CDH18: variants seen among roughly 807,000 people sequenced by gnomAD.
The protein encoded by CDH18 is cadherin 18.
In CDH18, 31 loss-of-function variants were observed where a neutral mutation model predicts 67.9. The ratio of observed to expected loss-of-function variants is 0.46; its 90% CI spans 0.34 to 0.62. CDH18 has a LOEUF of 0.62. Ranked by LOEUF, CDH18 falls within the 20% of genes least tolerant of loss-of-function variation. CDH18 has a pLI of 0.01. For synonymous variants in CDH18, 362 were observed against 347.2 expected (o/e 1.04, Z -0.48); for missense variants, 890 against 975.5 (o/e 0.91, Z 1.17).
At chr5:20,229,171 T>C (rs1741871139) in intron 2 of CDH18, among the ~76,000 whole-genome samples, 1 of 152,128 alleles carries the variant, frequency 6.6e-6, no homozygotes, top group South Asian at 2.1e-4. Context: ...CTTTATTTTA[T>C]GTATAAACAT....
chr5:20,477,045 T>C (rs1752488932), intron 1 of CDH18, among the ~76,000 whole-genome samples: 1 of 152,172 alleles, frequency 6.6e-6, no homozygotes, highest in East Asian at 1.9e-4. Flanking sequence ...TATAGGTATT[T>C]TTCTCTTACA....
intron 6 of CDH18, among the ~76,000 whole-genome samples, chr5:19,592,740 T>C (rs1439975731): frequency 2.6e-5 from 4 of 152,184 alleles, no homozygotes; most frequent in Non-Finnish European, 5.9e-5. Flanking sequence ...TTGCTATTCA[T>C]AGACACAGTA....
At chr5:19,942,605 A>C (rs2150235950) in intron 2 of CDH18, among the ~76,000 whole-genome samples, 1 of 152,292 alleles carries the variant, frequency 6.6e-6, no homozygotes, top group Non-Finnish European at 1.5e-5. Flanking sequence ...GAAACAAGTA[A>C]GCCCACAGGT....
At position 20,308,079 on chromosome 5, in the gene CDH18, C is replaced by CTTTTTTTTTTTTTTT. The variant is rs759117114; in HGVS notation, c.-579-52589_-579-52575dup. Among the ~76,000 whole-genome samples the CTTTTTTTTTTTTTTT allele has an allele frequency of 1.2e-4, 10 of 85,438 alleles. 1 individual carries two copies. The highest frequency in any genetic ancestry group is 4.9e-4 in the African/African-American group (9 of 18,402). 56.1% of individuals were successfully genotyped at this position (85,438 alleles called of 152,430 possible). ...TTATTTGCCTCTTTGAATACTACTG[C>CTTTTTTTTTTTTTTT]TTTTTTTTTTTTTTTTTTTTTTTTT... On this transcript the variant is annotated intron_variant, in intron 1 of 14. Coordinates refer to the CDH18 transcript ENST00000507958.
intron 2 of CDH18, among the ~76,000 whole-genome samples, chr5:19,971,815 A>G (rs1173521976): frequency 2.0e-5 from 3 of 151,568 alleles, no homozygotes; most frequent in South Asian, 2.1e-4. Flanking sequence ...TACCTATGTA[A>G]CAAACGTAAC....
chr5:19,786,905 C>G (rs192515417), intron 3 of CDH18, among the ~76,000 whole-genome samples: 20 of 152,100 alleles, frequency 1.3e-4, no homozygotes, highest in Non-Finnish European at 2.5e-4. Context: ...CCAACTGCCT[C>G]CACGTTGGCA....
intron 9 of CDH18, among the ~76,000 whole-genome samples, chr5:19,531,246 T>G (rs577984100): frequency 6.6e-6 from 1 of 152,334 alleles, no homozygotes; most frequent in East Asian, 1.9e-4. Context: ...TCTGCATATA[T>G]TAAAATCTCA....
At chr5:19,785,568 C>T (rs937903529) in intron 3 of CDH18, among the ~76,000 whole-genome samples, 22 of 143,456 alleles carry the variant, frequency 1.5e-4, no homozygotes, top group African/African-American at 5.4e-4. Flanking sequence ...GCAGGAGAAT[C>T]GCTTGAACTC....
At chr5:20,268,403 G>C (rs191964284) in intron 1 of CDH18, among the ~76,000 whole-genome samples, 3 of 152,242 alleles carry the variant, frequency 2.0e-5, no homozygotes, top group East Asian at 1.9e-4. Flanking sequence ...TCTCTTGCCT[G>C]ATTGTTCTAT....
At chr5:19,639,493 C>A (rs960454168) in intron 5 of CDH18, among the ~76,000 whole-genome samples, 2 of 152,132 alleles carry the variant, frequency 1.3e-5, no homozygotes, top group African/African-American at 4.8e-5. Flanking sequence ...GGGAAGTACC[C>A]CTGCATCTTT....
chr5:20,001,577 G>A (rs1303862574), intron 2 of CDH18, among the ~76,000 whole-genome samples: 1 of 152,160 alleles, frequency 6.6e-6, no homozygotes, highest in Admixed American at 6.5e-5. Flanking sequence ...CATATTGCCA[G>A]GGTTAATTTG....
At chr5:20,416,714 T>A (rs1358209402) in intron 1 of CDH18, among the ~76,000 whole-genome samples, 1 of 151,740 alleles carries the variant, frequency 6.6e-6, no homozygotes, top group East Asian at 1.9e-4. Context: ...GAACATAGAG[T>A]CTTGAATAAA....
intron 1 of CDH18, among the ~76,000 whole-genome samples, chr5:20,405,224 G>T (rs545360549): frequency 3.3e-5 from 5 of 152,174 alleles, no homozygotes; most frequent in African/African-American, 7.2e-5. Flanking sequence ...GCATGGTACT[G>T]GTATCAAAAC....
chr5:19,960,561 ATGTGTGTGTGTGTG>A (rs146985982), intron 2 of CDH18, among the ~76,000 whole-genome samples: 1 of 121,532 alleles, frequency 8.2e-6, no homozygotes, highest in East Asian at 2.5e-4. Context: ...GTGTGTGTGT[ATGTGTGTGTGTGTG>A]TGTGTGTGTG....
At chr5:20,086,654 C>CTCTG (rs202183407) in intron 2 of CDH18, among the ~76,000 whole-genome samples, 3,681 of 152,258 alleles carry the variant, frequency 0.024, 139 homozygotes, top group African/African-American at 0.079. Flanking sequence ...GCTAAATCTA[C>CTCTG]TCTGTACTCT....
chr5:19,973,960 A>G (rs1456547843), intron 2 of CDH18, among the ~76,000 whole-genome samples: 1 of 152,148 alleles, frequency 6.6e-6, no homozygotes, highest in Non-Finnish European at 1.5e-5. Flanking sequence ...TGTCATATGA[A>G]TATATCAATG....
chr5:20,490,815 A>C (rs1753542872), intron 1 of CDH18, among the ~76,000 whole-genome samples: 1 of 152,174 alleles, frequency 6.6e-6, no homozygotes, highest in African/African-American at 2.4e-5. Context: ...CATGTAAATA[A>C]ATGAGAACAT....
chr5:20,477,010 C>G (rs7720594), intron 1 of CDH18, among the ~76,000 whole-genome samples: 3,614 of 152,038 alleles, frequency 0.024, 144 homozygotes, highest in African/African-American at 0.083. Context: ...TTAATTTCAT[C>G]GAGATTACAG....
chr5:19,607,699 T>C (rs967819362), intron 6 of CDH18, among the ~76,000 whole-genome samples: 5 of 151,160 alleles, frequency 3.3e-5, no homozygotes, highest in African/African-American at 1.2e-4. Flanking sequence ...CATTTTAAAC[T>C]AAACAACAAC....
Sources: allele counts gnomAD v4.1 joint callset (sites outside exome capture counted in the v4.1 genomes callset), GRCh38; gene constraint gnomAD v4.1.1; transcripts MANE v1.5; gene names NCBI Gene and HGNC (gene_info 2026-07-23, HGNC 2026-07-21).